Variants in RIMBP2 observed in about 807,000 individuals in gnomAD.
RIMBP2 encodes the protein RIMS binding protein 2.
Under a neutral mutation model 118.6 loss-of-function variants are expected in RIMBP2, and 48 were observed. The ratio of observed to expected loss-of-function variants is 0.40; its 90% confidence interval spans 0.32 to 0.51. The LOEUF is 0.51. Among genes scored for constraint, RIMBP2 ranks in the 20% least tolerant of loss-of-function variants. The pLI is 0.41. For synonymous variants in RIMBP2, 762 were observed against 742.9 expected, an observed-to-expected ratio of 1.03 and a Z score of -0.42; for missense variants, 1,551 against 1,768.3, an observed-to-expected ratio of 0.88 and a Z score of 2.20.
intron 1 of RIMBP2, among the ~76,000 whole-genome samples, chr12:130,677,351 G>T (rs2064539379): frequency 6.6e-6 from 1 of 152,164 alleles, no homozygotes; most frequent in Non-Finnish European, 1.5e-5. Flanking sequence ...TTTAGGGCCG[G>T]GTGCAGTGGC....
At chr12:130,409,130 T>C (rs915833410) in intron 19 of RIMBP2, among the ~76,000 whole-genome samples, 6 of 152,132 alleles carry the variant, frequency 3.9e-5, no homozygotes, top group Non-Finnish European at 8.8e-5. Context: ...CAAACTTACA[T>C]ACACGAAGGC....
intron 1 of RIMBP2, among the ~76,000 whole-genome samples, chr12:130,693,444 A>G (rs1425024182): frequency 2.0e-5 from 3 of 152,176 alleles, no homozygotes; most frequent in Non-Finnish European, 2.9e-5. Flanking sequence ...AGGGATGGCT[A>G]CTTCTCAGAC....
chr12:130,585,172 G>A lies in RIMBP2; in HGVS notation c.-217+43150C>T, dbSNP rs1453246523. Reference sequence around the variant, plus strand: ...CTGAAAGTGAGAGGTTAACAGGCGTGAGCCACTGAATCCGATGACCACTCC... The same window carrying A: ...CTGAAAGTGAGAGGTTAACAGGCGTAAGCCACTGAATCCGATGACCACTCC... On this transcript the variant is annotated intron_variant, in intron 2 of 22. Coordinates refer to ENST00000690449, the MANE Select transcript of RIMBP2 (RefSeq NM_001393629.1). Among the ~76,000 whole-genome samples the A allele has an allele frequency of 2.0e-5, 3 of 152,150 alleles. No homozygotes were observed. The East Asian group carries it at 5.8e-4, about 29-fold the overall frequency.
intron 14 of RIMBP2, chr12:130,428,598 C>G: frequency 2.9e-6 from 1 of 339,516 alleles, no homozygotes; most frequent in Admixed American, 4.9e-5. Context: ...GAGCTCTGGA[C>G]AAGATAGAAA....
At chr12:130,574,926 G>T (rs542373508) in intron 2 of RIMBP2, among the ~76,000 whole-genome samples, 19 of 151,784 alleles carry the variant, frequency 1.3e-4, no homozygotes, top group Non-Finnish European at 2.6e-4. Context: ...AGACCTGAGT[G>T]CTGATGCCCT....
chr12:130,438,297 A>C, intron 12 of RIMBP2, 68 bp downstream of exon 12: 1 of 1,569,200 alleles, frequency 6.4e-7, no homozygotes, highest in Non-Finnish European at 8.7e-7. Flanking sequence ...CCACTGAGCA[A>C]ATACCGGGCC....
At chr12:130,403,535 TGATAA>T (rs757805284) in intron 21 of RIMBP2, among the ~76,000 whole-genome samples, 12 of 152,216 alleles carry the variant, frequency 7.9e-5, no homozygotes, top group Admixed American at 1.3e-4. Context: ...TGTTAAAAAC[TGATAA>T]GATAACCATT....
chr12:130,528,932 A>G (rs2053086563), intron 2 of RIMBP2, among the ~76,000 whole-genome samples: 1 of 152,238 alleles, frequency 6.6e-6, no homozygotes, highest in Non-Finnish European at 1.5e-5. Flanking sequence ...TCACTACATT[A>G]CCCAGCAATT....
At chr12:130,583,879 CCACCAT>C (rs1466755743) in intron 2 of RIMBP2, among the ~76,000 whole-genome samples, 1 of 148,932 alleles carries the variant, frequency 6.7e-6, no homozygotes, top group Admixed American at 6.7e-5. Context: ...ATGACCATCA[CCACCAT>C]CACCTCATCA....
Position 130,506,741 on chromosome 12 carries a change from A to G in RIMBP2, c.-97T>C, listed in dbSNP as rs1464109. 1 allele frequency: 982,092 copies of G among 985,724 alleles called. 489,322 individuals are homozygous for G. The highest frequency in any genetic ancestry group is 1 in the East Asian group (8,788 of 8,788). 61.1% of individuals were successfully genotyped at this position (985,724 alleles called of 1,614,324 possible). On this transcript the variant is annotated 5_prime_UTR_variant, in exon 4 of 23. Transcript: ENST00000690449. The stretch of plus-strand genomic sequence containing the variant: ...GCTCTCTGGTCACGAGGGTGAGCGG[A>G]TGGTTGAGATGCACATACTCTGCCT...
At position 130,437,193 on chromosome 12, in the gene RIMBP2, G is replaced by A. The variant is rs753678065; in HGVS notation, c.1755C>T (p.Ser585=). The A allele has an allele frequency of 5.7e-5, 91 of 1,586,442 alleles. No homozygotes were observed. In the Admixed American group the frequency reaches 7.3e-4, roughly 13 times the overall value. ...CAGAGTCCACGGACTCGCCCTGGGC[G>A]GAGAGGGTCCGCACGGTCACGCCCT... ...EAKGVTVRTL[S]AQGESVDSAV... The change falls in exon 13 of 23, where the codon TCC becomes TCT. Residue 585 remains serine, a synonymous_variant. Coordinates refer to ENST00000690449, the MANE Select transcript of RIMBP2 (RefSeq NM_001393629.1).
Position 130,438,512 on chromosome 12 carries a change from G to A in RIMBP2, c.1509C>T (p.Pro503=), listed in dbSNP as rs748792661. ...CGGTAACATCTTGTGGGGGTGCTGG[G>A]GGTCCTGGGAGGGGACAGAAGGGAA... ...FVEFSTLPAG[P]PAPPQDVTVQ... Residue 503 remains proline (P), a synonymous_variant, in exon 12 of 23, where the codon CCC becomes CCT. Transcript: ENST00000690449. The A allele has an allele frequency of 3.1e-6, 5 of 1,601,262 alleles. No individual in the cohort carries two copies. The highest frequency in any genetic ancestry group is 2.2e-5 in the South Asian group (2 of 89,048).
chr12:130,715,033 C>A (rs1950231558), intron 1 of RIMBP2, among the ~76,000 whole-genome samples: 1 of 152,210 alleles, frequency 6.6e-6, no homozygotes, highest in Admixed American at 6.5e-5. Context: ...GCAGCCTGGC[C>A]TGCCGCAGGG....
intron 2 of RIMBP2, among the ~76,000 whole-genome samples, chr12:130,533,057 C>T (rs1396986006): frequency 6.7e-6 from 1 of 148,168 alleles, no homozygotes; most frequent in Non-Finnish European, 1.5e-5. Context: ...GGAGTTACAT[C>T]TAATGAGATG....
intron 2 of RIMBP2, among the ~76,000 whole-genome samples, chr12:130,518,249 T>G (rs1453839580): frequency 6.6e-6 from 1 of 152,184 alleles, no homozygotes; most frequent in Non-Finnish European, 1.5e-5. Flanking sequence ...CTTTTTCCCG[T>G]GAACACTGCT....
chr12:130,604,729 A>C (rs74192427), intron 2 of RIMBP2, among the ~76,000 whole-genome samples: 10 of 32,048 alleles, frequency 3.1e-4, no homozygotes, highest in Non-Finnish European at 4.5e-4. Flanking sequence ...GACTACAGGC[A>C]CCACCACCAC....
At chr12:130,557,987 T>A (rs1784506216) in intron 2 of RIMBP2, among the ~76,000 whole-genome samples, 1 of 152,132 alleles carries the variant, frequency 6.6e-6, no homozygotes, top group Non-Finnish European at 1.5e-5. Context: ...TCCACCTCAT[T>A]GTGTTGCAGA....
chr12:130,552,262 G>C (rs766253634), intron 2 of RIMBP2, among the ~76,000 whole-genome samples: 7 of 152,198 alleles, frequency 4.6e-5, no homozygotes, highest in Non-Finnish European at 1.0e-4. Flanking sequence ...GCCGTGGGCA[G>C]TGTATACAGG....
intron 2 of RIMBP2, among the ~76,000 whole-genome samples, chr12:130,567,609 C>T (rs188313131): frequency 1.5e-4 from 23 of 152,298 alleles, no homozygotes; most frequent in African/African-American, 5.5e-4. Context: ...CGGCACGTCC[C>T]TGGGAAGGGG....
Sources: allele counts gnomAD v4.1 joint callset (sites outside exome capture counted in the v4.1 genomes callset), GRCh38; gene constraint gnomAD v4.1.1; transcripts MANE v1.5; gene names NCBI Gene and HGNC (gene_info 2026-07-23, HGNC 2026-07-21).